Variants in CLASP2 observed in about 807,000 individuals in gnomAD.
CLASP2 encodes cytoplasmic linker associated protein 2, also known as CLIP-associating protein 2.
Under a neutral mutation model 194.4 loss-of-function variants are expected in CLASP2, and 47 were observed. That is an observed-to-expected ratio of 0.24 (90% CI 0.19 to 0.31). The LOEUF (loss-of-function observed/expected upper bound fraction) is 0.31, where lower values mean the gene tolerates loss of function less well. CLASP2 is among the 10% of genes least tolerant of loss of function. CLASP2 has a pLI of 1.00. For missense variants in CLASP2, 1,445 were observed against 1,823.6 expected, an observed-to-expected ratio of 0.79 and a Z score of 3.78; for synonymous variants, 619 against 633.5, an observed-to-expected ratio of 0.98 and a Z score of 0.34.
intron 21 of CLASP2, chr3:33,592,183 A>G: frequency 1.4e-6 from 1 of 704,510 alleles, no homozygotes; most frequent in East Asian, 2.7e-5. Flanking sequence ...AACATGCACA[A>G]CAACTGATCC....
chr3:33,670,719 T>C (rs1361328010), intron 6 of CLASP2, among the ~76,000 whole-genome samples: 1 of 151,984 alleles, frequency 6.6e-6, no homozygotes, highest in African/African-American at 2.4e-5. Context: ...AGTTAACAAA[T>C]TGGTGGAGGA....
At chr3:33,582,008 C>T (rs1297135419) in intron 22 of CLASP2, 80 bp from the exon 23 acceptor site, 2 of 951,060 alleles carry the variant, frequency 2.1e-6, no homozygotes, top group African/African-American at 3.3e-5. Context: ...TTGTTTTTTT[C>T]TTTCTTAAAG....
intron 2 of CLASP2, among the ~76,000 whole-genome samples, chr3:33,691,534 A>T (rs75767472): frequency 1.3e-5 from 2 of 152,220 alleles, no homozygotes; most frequent in Non-Finnish European, 2.9e-5. Context: ...TGTCCTCAAC[A>T]TAAGAATCAT....
intron 27 of CLASP2, among the ~76,000 whole-genome samples, chr3:33,563,067 C>T (rs2062053677): frequency 6.6e-6 from 1 of 152,082 alleles, no homozygotes; most frequent in South Asian, 2.1e-4. Flanking sequence ...ACTTTATATT[C>T]CTGCTCTCTA....
rs1034133715 is a variant in CLASP2, at chr3:33,717,902, G to T, written c.101C>A (p.Ala34Asp). The change falls in exon 1 of 39, where the codon GCC becomes GAC. Residue 34 changes from alanine to aspartate, a missense_variant. Transcript: ENST00000682230. ...CTCCAGGTCCGAGATGGCGCCGGGGGCGCCAAGGTAGAGCAGGAGCTCCTG... is the reference window on the plus strand; with the variant it reads ...CTCCAGGTCCGAGATGGCGCCGGGGTCGCCAAGGTAGAGCAGGAGCTCCTG... ...VGQELLLYLG[A>D]PGAISDLEED... 2.6e-6 allele frequency: 4 copies of T among 1,555,054 alleles called. No homozygotes were observed. In the East Asian group the frequency reaches 7.2e-5, roughly 28 times the overall value.
chr3:33,644,016 G>C (rs549496325), intron 8 of CLASP2, among the ~76,000 whole-genome samples: 5 of 152,114 alleles, frequency 3.3e-5, no homozygotes, highest in Middle Eastern at 3.4e-3. Flanking sequence ...TGTCTTTTTA[G>C]AATTAAATAC....
Position 33,535,394 on chromosome 3 carries a change from G to A in CLASP2, c.3626C>T (p.Ala1209Val). ...GGDATDSSQT[A>V]LDNKASLLHS... ...GAGCAATGAAGCTTTATTATCAAGA[G>A]CTGTTTGACTTGAGTCAGTAGCATC... is the stretch of plus-strand genomic sequence containing the variant. Residue 1209 changes from alanine (A) to valine (V), a missense_variant, in exon 34 of 39, where the codon GCT becomes GTT. Physicochemically the swap from Ala to Val is moderately conservative, Grantham distance 64. Coordinates refer to ENST00000682230, the MANE Select transcript of CLASP2 (RefSeq NM_001365631.1). 1 of 1,613,952 alleles carries A rather than the reference G, an allele frequency of 6.2e-7. No homozygotes were observed. The highest frequency in any genetic ancestry group is 8.5e-7 in the Non-Finnish European group (1 of 1,179,866).
chr3:33,618,074 G>A (rs1395040084), intron 12 of CLASP2, among the ~76,000 whole-genome samples: 2 of 150,718 alleles, frequency 1.3e-5, no homozygotes, highest in African/African-American at 4.9e-5. Flanking sequence ...TCAGCTTCCC[G>A]AGCGGCTGGG....
At chr3:33,701,694 G>A (rs531558485) in intron 1 of CLASP2, among the ~76,000 whole-genome samples, 6 of 152,212 alleles carry the variant, frequency 3.9e-5, no homozygotes, top group Non-Finnish European at 7.3e-5. Flanking sequence ...ACTGTGCAAA[G>A]GCAATTCAAT....
intron 19 of CLASP2, among the ~76,000 whole-genome samples, chr3:33,595,459 T>C (rs556489609): frequency 8.5e-5 from 13 of 152,062 alleles, no homozygotes; most frequent in Non-Finnish European, 1.8e-4. Flanking sequence ...TATCAAAGCA[T>C]CTACAAAGCA....
chr3:33,506,256 C>T (rs888187078), intron 37 of CLASP2, among the ~76,000 whole-genome samples: 1 of 151,444 alleles, frequency 6.6e-6, no homozygotes, highest in Non-Finnish European at 1.5e-5. Flanking sequence ...CACCTGTCGT[C>T]CCAGCCAGAT....
At chr3:33,686,962 C>T (rs2090752103) in intron 5 of CLASP2, 98 bp downstream of exon 5, 2 of 664,588 alleles carry the variant, frequency 3.0e-6, no homozygotes, top group Non-Finnish European at 5.0e-6. Context: ...GCATCCCCCT[C>T]CACCCTCTCT....
Position 33,596,694 on chromosome 3 carries a change from G to A in CLASP2, c.1948+17C>T. ...TCCATAAAAATCTTTAGTAGAATTA[G>A]GAAAGGAAGTTCTTACCATCCAGCT... On this transcript the variant is annotated intron_variant, in intron 19 of 38. Coordinates refer to ENST00000682230, the MANE Select transcript of CLASP2 (RefSeq NM_001365631.1). The A allele has an allele frequency of 6.4e-7, 1 of 1,551,580 alleles. No individual in the cohort carries two copies. The highest frequency in any genetic ancestry group is 8.8e-7 in the Non-Finnish European group (1 of 1,141,544).
At position 33,496,456 on chromosome 3, in the gene CLASP2, T is replaced by G. The variant is rs949700572; in HGVS notation, c.*2175A>C. 1.3e-4 allele frequency: 20 copies of G among 152,202 alleles called. No homozygotes were observed. Among genetic ancestry groups the G allele is most frequent in the African/African-American group, 4.8e-4 (20 of 41,460 alleles). The allele number at this position is 152,202 out of a possible 1,614,324, so 9.4% of individuals were successfully genotyped here. On this transcript the variant is annotated 3_prime_UTR_variant, in exon 39 of 39. Coordinates refer to ENST00000682230, the MANE Select transcript of CLASP2 (RefSeq NM_001365631.1). ...ATATAGTGATTTAAATAATCAGCTT[T>G]CTTATAGTCTTATCAACTGAGATTA...
intron 21 of CLASP2, chr3:33,588,686 A>C: frequency 1.4e-6 from 1 of 702,132 alleles, no homozygotes; most frequent in Non-Finnish European, 2.6e-6. Context: ...ATGCACACAT[A>C]AAGTCTATAG....
At chr3:33,528,754 T>C (rs1026929536) in intron 34 of CLASP2, among the ~76,000 whole-genome samples, 2 of 150,582 alleles carry the variant, frequency 1.3e-5, no homozygotes, top group Non-Finnish European at 2.9e-5. Context: ...AGAGCAAGAC[T>C]GCATCTCGAA....
chr3:33,560,229 G>A lies in CLASP2; in HGVS notation c.2930+579C>T, dbSNP rs114073701. Among the ~76,000 whole-genome samples, 1,272 of 151,684 alleles carry A rather than the reference G, an allele frequency of 8.4e-3. 21 individuals carry two copies. Among genetic ancestry groups the A allele is most frequent in the African/African-American group, 0.028 (1,150 of 41,404 alleles). ...AATCTTCAATCTTCAACCTTACTTC[G>A]CTGATACTTCTTTTTTTTTTTTCTT... is the stretch of plus-strand genomic sequence containing the variant. On this transcript the variant is annotated intron_variant, in intron 28 of 38. Transcript: ENST00000682230.
intron 1 of CLASP2, among the ~76,000 whole-genome samples, chr3:33,717,425 ATTTATTTTTT>A (rs1449674177): frequency 2.0e-5 from 3 of 151,382 alleles, no homozygotes; most frequent in African/African-American, 7.3e-5. Context: ...CCCTATTTTT[ATTTATTTTTT>A]ACTTTTTTTG....
At chr3:33,587,995 T>C (rs1161122909) in intron 21 of CLASP2, among the ~76,000 whole-genome samples, 1 of 152,218 alleles carries the variant, frequency 6.6e-6, no homozygotes, top group Non-Finnish European at 1.5e-5. Context: ...ATTCAGCAGA[T>C]AGGAAACTTG....
Sources: gnomAD v4.1 joint callset for allele counts (sites outside exome capture counted in the v4.1 genomes callset) on GRCh38, gnomAD v4.1.1 for gene constraint, MANE v1.5 for transcripts, NCBI Gene and HGNC (gene_info 2026-07-23, HGNC 2026-07-21) for gene names.